Variants in SH3RF3 observed in about 807,000 individuals in gnomAD.
SH3RF3 encodes E3 ubiquitin-protein ligase SH3RF3.
SH3RF3 carries 29 observed loss-of-function variants against 66.3 expected under a neutral mutation model. The ratio of observed to expected loss-of-function variants is 0.44; its 90% confidence interval spans 0.33 to 0.60. The LOEUF (loss-of-function observed/expected upper bound fraction) is 0.60, where lower values mean the gene tolerates loss of function less well. Among genes scored for constraint, SH3RF3 ranks in the 20% least tolerant of loss-of-function variants. The pLI is 0.04. For missense variants in SH3RF3, 1,194 were observed against 1,190.9 expected, an observed-to-expected ratio of 1.00 and a Z score of -0.04; for synonymous variants, 583 against 532.0, an observed-to-expected ratio of 1.10 and a Z score of -1.32.
chr2:109,165,532 T>A (rs925549875), intron 1 of SH3RF3, among the ~76,000 whole-genome samples: 1 of 152,174 alleles, frequency 6.6e-6, no homozygotes, highest in Non-Finnish European at 1.5e-5. Flanking sequence ...CAGCTACACT[T>A]GCTCACAGAT....
At chr2:109,464,144 C>T (rs1420250950) in intron 8 of SH3RF3, among the ~76,000 whole-genome samples, 1 of 152,190 alleles carries the variant, frequency 6.6e-6, no homozygotes, top group Non-Finnish European at 1.5e-5. Context: ...TAAAATACTT[C>T]CAGGGACAAG....
chr2:109,442,233 C>T (rs992004276), intron 7 of SH3RF3, among the ~76,000 whole-genome samples: 8 of 151,580 alleles, frequency 5.3e-5, no homozygotes, highest in African/African-American at 1.9e-4. Flanking sequence ...ATGACATGAA[C>T]CTGGGAGGCA....
chr2:109,158,374 C>G (rs947283549), intron 1 of SH3RF3, among the ~76,000 whole-genome samples: 27 of 152,180 alleles, frequency 1.8e-4, no homozygotes, highest in African/African-American at 5.8e-4. Context: ...TGGGGAGAAT[C>G]CAGTGTGTAA....
At chr2:109,464,890 T>C (rs1678298461) in intron 8 of SH3RF3, among the ~76,000 whole-genome samples, 1 of 152,210 alleles carries the variant, frequency 6.6e-6, no homozygotes, top group Non-Finnish European at 1.5e-5. Flanking sequence ...TTTTGACAAA[T>C]GTATAATGAC....
Position 109,437,148 on chromosome 2 carries a change from T to C in SH3RF3, c.1828+2T>C, listed in dbSNP as rs1163958913. On this transcript the variant is annotated splice_donor_variant, in intron 7 of 9. Transcript: ENST00000309415. LOFTEE classifies it high-confidence loss of function. ...AAGCCCGGAGCACCATTTCAACAGG[T>C]ACCTTCACAGGGGCCTCACCCTGCA... 1 of 1,607,154 alleles carries C rather than the reference T, an allele frequency of 6.2e-7. No individual in the cohort carries two copies.
chr2:109,480,597 C>T (rs1678811157), intron 8 of SH3RF3, among the ~76,000 whole-genome samples: 1 of 152,114 alleles, frequency 6.6e-6, no homozygotes, highest in Non-Finnish European at 1.5e-5. Context: ...TCATCCCGAG[C>T]AGCCATGGGG....
At chr2:109,397,804 C>T (rs1308699227) in intron 3 of SH3RF3, among the ~76,000 whole-genome samples, 2 of 152,212 alleles carry the variant, frequency 1.3e-5, no homozygotes, top group East Asian at 3.8e-4. Flanking sequence ...AGGGTTTATT[C>T]CCCGGTTGCT....
intron 1 of SH3RF3, among the ~76,000 whole-genome samples, chr2:109,282,510 C>T (rs529169880): frequency 9.9e-5 from 15 of 152,220 alleles, no homozygotes; most frequent in South Asian, 4.2e-4. Context: ...GCCTGCCCTG[C>T]GGTGGGAGGA....
intron 1 of SH3RF3, among the ~76,000 whole-genome samples, chr2:109,190,909 G>A (rs1292225758): frequency 6.6e-6 from 1 of 151,464 alleles, no homozygotes. Flanking sequence ...GAAGAGTATT[G>A]TGATACTTTG....
intron 3 of SH3RF3, among the ~76,000 whole-genome samples, chr2:109,395,974 G>T (rs887914305): frequency 9.2e-5 from 14 of 152,244 alleles, no homozygotes; most frequent in Admixed American, 5.2e-4. Context: ...GGAATCATTT[G>T]AGCCCAGCCT....
chr2:109,277,229 G>A (rs966364215), intron 1 of SH3RF3, among the ~76,000 whole-genome samples: 1 of 152,132 alleles, frequency 6.6e-6, no homozygotes, highest in Non-Finnish European at 1.5e-5. Context: ...CCTGCATTTC[G>A]GATGTGTCAC....
chr2:109,446,923 C>T (rs1287116205), intron 7 of SH3RF3, among the ~76,000 whole-genome samples: 3 of 151,938 alleles, frequency 2.0e-5, no homozygotes, highest in Non-Finnish European at 4.4e-5. Context: ...CTGTCACCCC[C>T]CTTCCAGGGA....
chr2:109,387,321 T>C (rs72943387), intron 3 of SH3RF3, among the ~76,000 whole-genome samples: 2,154 of 152,306 alleles, frequency 0.014, 41 homozygotes, highest in African/African-American at 0.048. Flanking sequence ...GTTGTGTCCC[T>C]GTGCTGCTGT....
At chr2:109,496,565 G>T (rs1045090417) in intron 9 of SH3RF3, among the ~76,000 whole-genome samples, 4 of 152,222 alleles carry the variant, frequency 2.6e-5, no homozygotes, top group African/African-American at 4.8e-5. Context: ...GCACGGCCTG[G>T]CCGACTCCTG....
intron 1 of SH3RF3, among the ~76,000 whole-genome samples, chr2:109,137,465 A>G (rs990693633): frequency 6.6e-6 from 1 of 152,246 alleles, no homozygotes; most frequent in African/African-American, 2.4e-5. Flanking sequence ...TGCTCAGGAG[A>G]TAAGAGAACT....
At chr2:109,500,633 T>C (rs1433753876) in intron 9 of SH3RF3, among the ~76,000 whole-genome samples, 2 of 152,164 alleles carry the variant, frequency 1.3e-5, no homozygotes, top group African/African-American at 2.4e-5. Flanking sequence ...AAAAAAATCT[T>C]ATGATTTTTG....
intron 1 of SH3RF3, among the ~76,000 whole-genome samples, chr2:109,314,579 A>G (rs1036018833): frequency 7.2e-5 from 11 of 152,186 alleles, no homozygotes; most frequent in Non-Finnish European, 1.2e-4. Context: ...CCACTTCATA[A>G]ATAGTGTCTC....
chr2:109,470,856 A>G (rs1229355227), intron 8 of SH3RF3, among the ~76,000 whole-genome samples: 1 of 152,232 alleles, frequency 6.6e-6, no homozygotes, highest in African/African-American at 2.4e-5. Flanking sequence ...CTTCCTCATG[A>G]TAAGAAATCT....
intron 8 of SH3RF3, among the ~76,000 whole-genome samples, chr2:109,458,567 G>GGAGAGAGAGAGAGAGAGAGAGAGAGAGA (rs1559094585): frequency 4.6e-5 from 2 of 43,038 alleles, no homozygotes; most frequent in Non-Finnish European, 5.6e-5. Context: ...AGAACCAGCA[G>GGAGAGAGAGAGAGAGAGAGAGAGAGAGA]GAGACAGAGA....
Sources: gnomAD v4.1 joint callset for allele counts (sites outside exome capture counted in the v4.1 genomes callset) on GRCh38, gnomAD v4.1.1 for gene constraint, MANE v1.5 for transcripts, NCBI Gene and HGNC (gene_info 2026-07-23, HGNC 2026-07-21) for gene names.